Variants in EIPR1 observed in about 807,000 individuals in gnomAD.
EIPR1 encodes EARP and GARP complex-interacting protein 1.
Under a neutral mutation model 48.1 loss-of-function variants are expected in EIPR1, and 25 were observed. That is an observed-to-expected ratio of 0.52 (90% CI 0.38 to 0.73). The LOEUF is 0.73. Among genes scored for constraint, EIPR1 ranks in the 30% least tolerant of loss-of-function variants. EIPR1 has a pLI of 0.00. For synonymous variants in EIPR1, 204 were observed against 201.9 expected (o/e 1.01, Z -0.09); for missense variants, 415 against 506.2 (o/e 0.82, Z 1.73).
intron 2 of EIPR1, among the ~76,000 whole-genome samples, chr2:3,347,216 C>T (rs757212789): frequency 3.9e-5 from 6 of 152,130 alleles, no homozygotes; most frequent in Non-Finnish European, 7.3e-5. Flanking sequence ...TACCCAGTCT[C>T]GGGTATTTCT....
At chr2:3,209,627 AC>A (rs1665371277) in intron 5 of EIPR1, among the ~76,000 whole-genome samples, 1 of 152,214 alleles carries the variant, frequency 6.6e-6, no homozygotes, top group Non-Finnish European at 1.5e-5. Context: ...AAAAGGAAAG[AC>A]CAACAAACTG....
intron 4 of EIPR1, among the ~76,000 whole-genome samples, chr2:3,218,554 G>A (rs1279391407): frequency 8.2e-5 from 8 of 97,886 alleles, no homozygotes; most frequent in Admixed American, 1.2e-4. Context: ...CACGACCCTG[G>A]TATACTCTAG....
chr2:3,255,273 C>T (rs1332774011), intron 4 of EIPR1, among the ~76,000 whole-genome samples: 1 of 152,042 alleles, frequency 6.6e-6, no homozygotes, highest in African/African-American at 2.4e-5. Context: ...ACCTCCGCCT[C>T]CCAGATTCAA....
chr2:3,247,064 AGAGGGAGG>A (rs1558249342), intron 4 of EIPR1, among the ~76,000 whole-genome samples: 13 of 4,292 alleles, frequency 3.0e-3, no homozygotes, highest in Admixed American at 0.01. Flanking sequence ...AGGGAGGGAG[AGAGGGAGG>A]GAGAGAGGGA....
intron 1 of EIPR1, among the ~76,000 whole-genome samples, chr2:3,368,583 A>G (rs183319204): frequency 3.3e-5 from 5 of 152,350 alleles, no homozygotes; most frequent in African/African-American, 1.2e-4. Flanking sequence ...AGTTTGCCAC[A>G]TGGAGATTTG....
At chr2:3,344,087 T>A (rs1670331773) in intron 2 of EIPR1, among the ~76,000 whole-genome samples, 1 of 152,046 alleles carries the variant, frequency 6.6e-6, no homozygotes, top group African/African-American at 2.4e-5. Context: ...TAAGACTGGA[T>A]ATTAAAAAAT....
At chr2:3,207,912 A>G (rs954717323) in intron 5 of EIPR1, 5 of 152,508 alleles carry the variant, frequency 3.3e-5, no homozygotes, top group Admixed American at 6.5e-5. Flanking sequence ...ATACTATGAT[A>G]TTAAAATATG....
chr2:3,200,755 G>A (rs761949724), intron 5 of EIPR1, among the ~76,000 whole-genome samples: 10 of 152,072 alleles, frequency 6.6e-5, no homozygotes, highest in South Asian at 2.1e-4. Context: ...AGGCATCCGC[G>A]GTGAGTCTGG....
At chr2:3,364,057 T>C (rs1027674835) in intron 1 of EIPR1, among the ~76,000 whole-genome samples, 26 of 152,156 alleles carry the variant, frequency 1.7e-4, no homozygotes, top group Admixed American at 1.4e-3. Flanking sequence ...TCATACACTA[T>C]TGATGGGAAT....
In EIPR1 at chr2:3,286,869, C is replaced by T. The variant is rs1178847141; in HGVS notation, c.260-29414G>A. Reference sequence around the variant, plus strand: ...CCGGCAGAGGGGGCTGTGGGGAGCACACAGAGTGCCAGCCAGCAGAGGGGG... The same window carrying T: ...CCGGCAGAGGGGGCTGTGGGGAGCATACAGAGTGCCAGCCAGCAGAGGGGG... On this transcript the variant is annotated intron_variant, in intron 3 of 8. Transcript: ENST00000382125. The surrounding 1 kb of genome is among the most constrained non-coding windows in gnomAD (Gnocchi z 4.2). Among the ~76,000 whole-genome samples the T allele has an allele frequency of 6.6e-6, 1 of 151,446 alleles. No individual in the cohort carries two copies. The highest frequency in any genetic ancestry group is 1.5e-5 in the Non-Finnish European group (1 of 67,966).
At chr2:3,227,383 T>G (rs1666097532) in intron 4 of EIPR1, among the ~76,000 whole-genome samples, 1 of 152,148 alleles carries the variant, frequency 6.6e-6, no homozygotes, top group South Asian at 2.1e-4. Context: ...ACTGGTGGCA[T>G]TTTGCCCCCA....
rs373051585 is a variant in EIPR1, at chr2:3,202,164, T to C, written c.517-5147A>G. 5.2e-3 allele frequency among the ~76,000 whole-genome samples: 798 copies of C among 152,262 alleles called. 2 individuals are homozygous for C. The highest frequency in any genetic ancestry group is 9.7e-3 in the East Asian group (50 of 5,170). On this transcript the variant is annotated intron_variant, in intron 5 of 8. Coordinates refer to ENST00000382125, the MANE Select transcript of EIPR1 (RefSeq NM_003310.5). ...ATGTTAGCCAGGATGGTCTCGATCTTCTGACCTTGTGATCCGTCCGCCTCG... is the reference window on the plus strand; with the variant it reads ...ATGTTAGCCAGGATGGTCTCGATCTCCTGACCTTGTGATCCGTCCGCCTCG...
At chr2:3,366,083 G>A (rs965509650) in intron 1 of EIPR1, among the ~76,000 whole-genome samples, 3 of 152,176 alleles carry the variant, frequency 2.0e-5, no homozygotes, top group Admixed American at 6.5e-5. Context: ...CCAGGTGGGC[G>A]GATCACTTGA....
In EIPR1 at chr2:3,290,631, A is replaced by G. The variant is rs115971196; in HGVS notation, c.260-33176T>C. ...TTTGGCCATGAATTTAGGGTATGCC[A>G]TGGCTCTCTAAAGAGGAGGGTGCTG... On this transcript the variant is annotated intron_variant, in intron 3 of 8. Transcript: ENST00000382125. Among the ~76,000 whole-genome samples the G allele has an allele frequency of 6.3e-3, 955 of 152,246 alleles. 6 individuals are homozygous for G. The highest frequency in any genetic ancestry group is 0.021 in the African/African-American group (893 of 41,548).
At chr2:3,200,404 A>C (rs1262601427) in intron 5 of EIPR1, among the ~76,000 whole-genome samples, 2 of 152,174 alleles carry the variant, frequency 1.3e-5, no homozygotes, top group African/African-American at 4.8e-5. Flanking sequence ...CTGGTAAACT[A>C]TCCGCTCTAC....
At chr2:3,307,708 G>C (rs1668991051) in intron 3 of EIPR1, among the ~76,000 whole-genome samples, 1 of 152,248 alleles carries the variant, frequency 6.6e-6, no homozygotes, top group African/African-American at 2.4e-5. Context: ...AAGTGAGGCA[G>C]GGATGAAGAG....
rs374123748 is a variant in EIPR1 at position 3,329,304 on chromosome 2, G to GC, written c.259+8712dup. Among the ~76,000 whole-genome samples, 67 of 52,540 alleles carry GC rather than the reference G, an allele frequency of 1.3e-3. 4 individuals carry two copies. Among genetic ancestry groups the GC allele is most frequent in the East Asian group, 2.7e-3 (1 of 366 alleles). The allele number at this position is 52,540 out of a possible 152,430, so 34.5% of individuals were successfully genotyped here. ...ACACTCTAATGATCTCAGGGCACCA[G>GC]CTGGGCTCCCCTGAATCAGAGCCCA... On this transcript the variant is annotated intron_variant, in intron 3 of 8. Transcript: ENST00000382125.
In EIPR1 at chr2:3,250,278, G is replaced by A. The variant is rs546880865; in HGVS notation, c.416+7021C>T. Among the ~76,000 whole-genome samples, 63 of 152,344 alleles carry A rather than the reference G, an allele frequency of 4.1e-4. 1 individual carries two copies. The South Asian group carries it at 0.012, about 29-fold the overall frequency. ...ATCCTCACACCAGTGTGCCCTGGAC[G>A]TAGGACATGGAGTCAGTGTTGGAGC... On this transcript the variant is annotated intron_variant, in intron 4 of 8. Coordinates refer to ENST00000382125, the MANE Select transcript of EIPR1 (RefSeq NM_003310.5).
At chr2:3,309,431 A>G (rs1460371136) in intron 3 of EIPR1, among the ~76,000 whole-genome samples, 1 of 152,230 alleles carries the variant, frequency 6.6e-6, no homozygotes, top group Non-Finnish European at 1.5e-5. Context: ...GAGAAACAGA[A>G]CGATGAGAAA....
Sources: gnomAD v4.1 joint callset for allele counts (sites outside exome capture counted in the v4.1 genomes callset) on GRCh38, gnomAD v4.1.1 for gene constraint, Gnocchi (gnomAD v3.1) non-coding constraint, MANE v1.5 for transcripts, NCBI Gene and HGNC (gene_info 2026-07-23, HGNC 2026-07-21) for gene names.